Variants in TMEM229B observed in about 807,000 individuals in gnomAD.
TMEM229B encodes transmembrane protein 229B.
TMEM229B carries 6 observed loss-of-function variants against 13.7 expected under a neutral mutation model. The observed-to-expected ratio is 0.44, with a 90% CI of 0.24 to 0.86. TMEM229B has a LOEUF of 0.86. TMEM229B is among the 40% of genes least tolerant of loss of function. The probability of loss-of-function intolerance (pLI) is 0.23; values close to 1 mark genes in which losing one functional copy is unlikely to be tolerated. For missense variants in TMEM229B, 170 were observed against 236.0 expected (o/e 0.72, Z 1.83); for synonymous variants, 107 against 102.1 (o/e 1.05, Z -0.29).
Position 67,497,992 on chromosome 14 carries a change from T to TTC in TMEM229B, c.-191-10822_-191-10821dup, listed in dbSNP as rs778597362. ...CCAATACCTCAAGGTCTCTCTGACCTTCTCCCCACTACCCGTCAACACTCC... is the reference window on the plus strand; with the variant it reads ...CCAATACCTCAAGGTCTCTCTGACCTTCTCTCCCCACTACCCGTCAACACTCC... On this transcript the variant is annotated intron_variant, in intron 1 of 2. Transcript: ENST00000357461. Among the ~76,000 whole-genome samples, 171 of 152,164 alleles carry TTC rather than the reference T, an allele frequency of 1.1e-3. 1 individual carries two copies. Among genetic ancestry groups the TTC allele is most frequent in the Middle Eastern group, 3.2e-3 (1 of 316 alleles).
intron 1 of TMEM229B, among the ~76,000 whole-genome samples, chr14:67,508,771 A>AC: frequency 6.7e-6 from 1 of 149,738 alleles, no homozygotes; most frequent in East Asian, 2.0e-4. Context: ...AAAAAAAAAA[A>AC]CAGAAGACAA....
chr14:67,493,783 C>T (rs1324575789), intron 1 of TMEM229B, among the ~76,000 whole-genome samples: 1 of 152,168 alleles, frequency 6.6e-6, no homozygotes, highest in Non-Finnish European at 1.5e-5. Context: ...ACAAAAGAGG[C>T]ATCCTTTTCT....
rs1379051710 is a variant in TMEM229B, at chr14:67,472,533, G to C, written c.*887C>G. On this transcript the variant is annotated 3_prime_UTR_variant, in exon 3 of 3. Transcript: ENST00000554480. ...CACAGCCCACTAGACCGGGGGTAGG[G>C]AGGTGTAACTCAGGAACTCCCCAGG... The C allele has an allele frequency of 6.6e-6, 1 of 152,418 alleles. No individual in the cohort carries two copies. Among genetic ancestry groups the C allele is most frequent in the Admixed American group, 6.5e-5 (1 of 15,270 alleles). 9.4% of individuals were successfully genotyped at this position (152,418 alleles called of 1,614,324 possible).
intron 1 of TMEM229B, among the ~76,000 whole-genome samples, chr14:67,499,538 TG>T (rs1355790848): frequency 6.6e-6 from 1 of 152,200 alleles, no homozygotes; most frequent in Non-Finnish European, 1.5e-5. Flanking sequence ...TGTGTTTAGA[TG>T]AAGTCAAATA....
At chr14:67,490,014 A>G (rs1173352601), upstream of TMEM229B, among the ~76,000 whole-genome samples, 5 of 151,308 alleles carry the variant, frequency 3.3e-5, no homozygotes, top group East Asian at 9.7e-4. Flanking sequence ...AATTCTGTCT[A>G]TGTGTCTGTT....
At chr14:67,477,117 G>A (rs557187428) in intron 2 of TMEM229B, among the ~76,000 whole-genome samples, 21 of 150,220 alleles carry the variant, frequency 1.4e-4, no homozygotes, top group South Asian at 6.3e-4. Flanking sequence ...AGTGAGTCGC[G>A]ATCGCACCAT....
At chr14:67,527,830 A>T (rs1036752316) in intron 1 of TMEM229B, among the ~76,000 whole-genome samples, 1 of 152,212 alleles carries the variant, frequency 6.6e-6, no homozygotes, top group Non-Finnish European at 1.5e-5. Context: ...GTAGTGGCTG[A>T]GCAAGAACTC....
chr14:67,473,336 G>A lies in TMEM229B; in HGVS notation c.*84C>T. On this transcript the variant is annotated 3_prime_UTR_variant, in exon 3 of 3. Transcript: ENST00000554480. The surrounding 1 kb of genome is among the most constrained non-coding windows in gnomAD (Gnocchi z 6.5). ...GCTTGGCCGGAGCAGGGCTTTTGCT[G>A]CATGGATGGGGCAACCTCACCAGCT... 1 of 1,541,442 alleles carries A rather than the reference G, an allele frequency of 6.5e-7. No individual in the cohort carries two copies. Among genetic ancestry groups the A allele is most frequent in the South Asian group, 1.2e-5 (1 of 80,206 alleles).
At chr14:67,490,911 G>T (rs573015235), upstream of TMEM229B, among the ~76,000 whole-genome samples, 1 of 152,176 alleles carries the variant, frequency 6.6e-6, no homozygotes, top group South Asian at 2.1e-4. Context: ...GGGCAGATAT[G>T]CCCCCCATAT....
At chr14:67,494,713 A>T (rs79739902) in intron 1 of TMEM229B, among the ~76,000 whole-genome samples, 4,739 of 152,284 alleles carry the variant, frequency 0.031, 253 homozygotes, top group East Asian at 0.22. Context: ...ATCAGCATTC[A>T]CAGAGAGGTG....
chr14:67,498,979 T>TTTTATTTATTTATTTATTTATTTATTTA (rs10523208), intron 1 of TMEM229B, among the ~76,000 whole-genome samples: 1 of 146,510 alleles, frequency 6.8e-6, no homozygotes. Context: ...AAGGCAATGG[T>TTTTATTTATTTATTTATTTATTTATTTA]TTTATTTATT....
intron 1 of TMEM229B, among the ~76,000 whole-genome samples, chr14:67,532,642 C>G (rs1017624917): frequency 3.3e-5 from 5 of 152,254 alleles, no homozygotes; most frequent in African/African-American, 1.2e-4. Flanking sequence ...CACTTGAGCT[C>G]CGGAGTTCGA....
intron 1 of TMEM229B, among the ~76,000 whole-genome samples, chr14:67,496,361 G>A (rs2032365651): frequency 1.4e-5 from 2 of 138,330 alleles, no homozygotes; most frequent in Admixed American, 1.6e-4. Context: ...CCAAAGTGCT[G>A]GGATTACAGG....
chr14:67,496,743 T>TTTCC (rs1457268060), intron 1 of TMEM229B, among the ~76,000 whole-genome samples: 2 of 145,022 alleles, frequency 1.4e-5, no homozygotes, highest in Admixed American at 1.4e-4. Flanking sequence ...TCTCTCTTTC[T>TTTCC]TTCCTTCCTT....
intron 1 of TMEM229B, among the ~76,000 whole-genome samples, chr14:67,497,773 C>G (rs1041019780): frequency 2.6e-5 from 4 of 151,856 alleles, no homozygotes; most frequent in African/African-American, 9.7e-5. Flanking sequence ...CACGTCAACC[C>G]CAGCAGCACC....
intron 1 of TMEM229B, among the ~76,000 whole-genome samples, chr14:67,505,167 C>T (rs552699055): frequency 5.3e-5 from 8 of 152,142 alleles, no homozygotes; most frequent in African/African-American, 1.9e-4. Flanking sequence ...AAAAGAGGTG[C>T]GCAAGGGCCC....
intron 1 of TMEM229B, among the ~76,000 whole-genome samples, chr14:67,522,868 C>G (rs1027748284): frequency 6.6e-6 from 1 of 152,228 alleles, no homozygotes; most frequent in African/African-American, 2.4e-5. Flanking sequence ...CTGCCACCTT[C>G]AGGAAAGGCT....
At chr14:67,523,195 A>C (rs1482832616) in intron 1 of TMEM229B, among the ~76,000 whole-genome samples, 1 of 152,012 alleles carries the variant, frequency 6.6e-6, no homozygotes, top group South Asian at 2.1e-4. Flanking sequence ...TGGTGGCAGA[A>C]GCCTGTAATC....
chr14:67,504,355 C>T (rs554669003), intron 1 of TMEM229B, among the ~76,000 whole-genome samples: 1 of 152,314 alleles, frequency 6.6e-6, no homozygotes, highest in Admixed American at 6.5e-5. Context: ...GTACGTTCCT[C>T]ATGAGGATTA....
Sources: allele counts gnomAD v4.1 joint callset (sites outside exome capture counted in the v4.1 genomes callset), GRCh38; gene constraint gnomAD v4.1.1; non-coding constraint Gnocchi (gnomAD v3.1); transcripts MANE v1.5; gene names NCBI Gene and HGNC (gene_info 2026-07-23, HGNC 2026-07-21).